Variants in HSF5 observed in about 807,000 individuals in gnomAD.
The protein encoded by HSF5 is heat shock factor protein 5.
A neutral mutation model predicts 50.8 loss-of-function variants in HSF5; 5 were observed. The observed-to-expected ratio is 0.10, with a 90% CI of 0.05 to 0.21. HSF5 has a LOEUF of 0.21. Ranked by LOEUF, HSF5 falls within the 10% of genes least tolerant of loss-of-function variation. The pLI is 1.00. For missense variants in HSF5, 564 were observed against 762.6 expected, an observed-to-expected ratio of 0.74 and a Z score of 3.07; for synonymous variants, 307 against 307.4, an observed-to-expected ratio of 1.00 and a Z score of 0.02.
intron 5 of HSF5, among the ~76,000 whole-genome samples, chr17:58,439,660 T>G (rs1206825490): frequency 6.6e-6 from 1 of 152,096 alleles, no homozygotes; most frequent in East Asian, 1.9e-4. Flanking sequence ...AATTCTGTAT[T>G]TTCAGTAGAG....
intron 5 of HSF5, among the ~76,000 whole-genome samples, chr17:58,447,366 C>G (rs1974574265): frequency 6.6e-6 from 1 of 152,194 alleles, no homozygotes; most frequent in African/African-American, 2.4e-5. Context: ...GAATAAGTAT[C>G]AGTGGCAGTC....
intron 1 of HSF5, among the ~76,000 whole-genome samples, chr17:58,486,573 T>C (rs1229268188): frequency 6.6e-6 from 1 of 152,234 alleles, no homozygotes; most frequent in Admixed American, 6.5e-5. Context: ...ATCTTTGCCT[T>C]ATGTTTGTCT....
chr17:58,454,637 G>T (rs1201797755), intron 5 of HSF5, among the ~76,000 whole-genome samples: 1 of 152,162 alleles, frequency 6.6e-6, no homozygotes, highest in Non-Finnish European at 1.5e-5. Flanking sequence ...TAGTAAAGTT[G>T]CAGGATACAA....
At chr17:58,477,075 G>A (rs1975023321) in intron 2 of HSF5, 9 of 484,148 alleles carry the variant, frequency 1.9e-5, no homozygotes, top group African/African-American at 9.7e-5. Context: ...CGCTGCCCTC[G>A]CGGCCTGACG....
intron 2 of HSF5, among the ~76,000 whole-genome samples, chr17:58,475,361 C>A (rs1316378879): frequency 6.6e-6 from 1 of 152,158 alleles, no homozygotes; most frequent in Admixed American, 6.5e-5. Context: ...AACTGAGCAT[C>A]ATCTTTCCTT....
chr17:58,482,398 G>A (rs1455072888), intron 1 of HSF5, among the ~76,000 whole-genome samples: 1 of 152,074 alleles, frequency 6.6e-6, no homozygotes, highest in Admixed American at 6.6e-5. Flanking sequence ...AGGAATTTCA[G>A]ACCAGCATGG....
intron 1 of HSF5, among the ~76,000 whole-genome samples, chr17:58,487,407 T>TAAA (rs1482535856): frequency 2.6e-5 from 4 of 152,112 alleles, no homozygotes; most frequent in Non-Finnish European, 5.9e-5. Flanking sequence ...TACAACCAGG[T>TAAA]AAACTCCTGG....
chr17:58,487,644 GA>G (rs974231840), intron 1 of HSF5, 80 bp downstream of exon 1: 162 of 1,340,208 alleles, frequency 1.2e-4, no homozygotes, highest in Non-Finnish European at 1.5e-4. Flanking sequence ...GAGGACGTGC[GA>G]AAATGCGCCC....
intron 5 of HSF5, among the ~76,000 whole-genome samples, chr17:58,445,696 T>G (rs902874530): frequency 5.3e-5 from 8 of 152,086 alleles, no homozygotes; most frequent in African/African-American, 1.9e-4. Flanking sequence ...AAACAGAAAG[T>G]AGAATGGTGG....
At chr17:58,461,552 A>G (rs1483670565) in intron 4 of HSF5, among the ~76,000 whole-genome samples, 2 of 152,160 alleles carry the variant, frequency 1.3e-5, no homozygotes, top group Non-Finnish European at 2.9e-5. Context: ...AGTAGGAAAA[A>G]ATACTTAATT....
At chr17:58,433,388 C>A (rs1042657893) in intron 5 of HSF5, among the ~76,000 whole-genome samples, 1 of 152,056 alleles carries the variant, frequency 6.6e-6, no homozygotes, top group Non-Finnish European at 1.5e-5. Flanking sequence ...AAAGACGTAG[C>A]GTAGGCAGTA....
intron 5 of HSF5, among the ~76,000 whole-genome samples, chr17:58,432,762 A>G (rs1974381215): frequency 6.6e-6 from 1 of 152,228 alleles, no homozygotes; most frequent in South Asian, 2.1e-4. Flanking sequence ...TCTGGCAGAA[A>G]GACTGTAGGG....
chr17:58,459,643 T>C (rs989698616), intron 4 of HSF5, among the ~76,000 whole-genome samples: 3 of 124,778 alleles, frequency 2.4e-5, no homozygotes, highest in Non-Finnish European at 3.5e-5. Flanking sequence ...TGAGACTACA[T>C]CTCAAAAAAA....
At chr17:58,459,210 T>A (rs1974756812) in intron 4 of HSF5, among the ~76,000 whole-genome samples, 1 of 152,154 alleles carries the variant, frequency 6.6e-6, no homozygotes, top group African/African-American at 2.4e-5. Context: ...TACAGGTTTT[T>A]TTTTTTGTTT....
chr17:58,460,761 G>A (rs112744832), intron 4 of HSF5, among the ~76,000 whole-genome samples: 3 of 151,512 alleles, frequency 2.0e-5, no homozygotes, highest in African/African-American at 4.8e-5. Flanking sequence ...TGTCCGCCTC[G>A]GCCTCCCAAA....
At chr17:58,484,247 T>C (rs1427236873) in intron 1 of HSF5, among the ~76,000 whole-genome samples, 1 of 147,998 alleles carries the variant, frequency 6.8e-6, no homozygotes, top group African/African-American at 2.5e-5. Flanking sequence ...ATGAAAACAA[T>C]AACTTAGTTA....
chr17:58,459,879 A>G (rs1039125808), intron 4 of HSF5, among the ~76,000 whole-genome samples: 26 of 152,294 alleles, frequency 1.7e-4, no homozygotes, highest in Admixed American at 9.8e-4. Flanking sequence ...TGGAATGGCC[A>G]TAGGCATGAT....
chr17:58,475,321 C>T (rs571884528), intron 2 of HSF5, among the ~76,000 whole-genome samples: 6 of 152,306 alleles, frequency 3.9e-5, no homozygotes, highest in Admixed American at 1.3e-4. Flanking sequence ...TTTATCGTAA[C>T]AAAGCAGCTT....
intron 2 of HSF5, among the ~76,000 whole-genome samples, chr17:58,474,040 C>T (rs1460166693): frequency 6.6e-6 from 1 of 152,108 alleles, no homozygotes. Context: ...GACTGTGTTT[C>T]ACCATGTTGG....
Sources: gnomAD v4.1 joint callset for allele counts (sites outside exome capture counted in the v4.1 genomes callset) on GRCh38, gnomAD v4.1.1 for gene constraint, MANE v1.5 for transcripts, NCBI Gene and HGNC (gene_info 2026-07-23, HGNC 2026-07-21) for gene names.